The following SESN3 variants were observed in gnomAD, a reference collection of about 807,000 sequenced individuals.
The protein encoded by SESN3 is sestrin-3.
In SESN3, 21 loss-of-function variants were observed where a neutral mutation model predicts 55.3. That is an observed-to-expected ratio of 0.38 (90% CI 0.27 to 0.55). The LOEUF (loss-of-function observed/expected upper bound fraction) is 0.55, where lower values mean the gene tolerates loss of function less well. SESN3 is among the 20% of genes least tolerant of loss of function. SESN3 has a pLI of 0.76. For missense variants in SESN3, 408 were observed against 604.3 expected, an observed-to-expected ratio of 0.68 and a Z score of 3.41; for synonymous variants, 181 against 203.1, an observed-to-expected ratio of 0.89 and a Z score of 0.93.
chr11:95,226,037 A>T (rs1216280466), intron 1 of SESN3, among the ~76,000 whole-genome samples: 17 of 146,988 alleles, frequency 1.2e-4, no homozygotes, highest in Non-Finnish European at 1.6e-4. Context: ...AAATAAGTAA[A>T]AAAAAAAAAA....
chr11:95,171,251 C>T lies in SESN3; in HGVS notation c.*2004G>A, dbSNP rs904125644. 7 of 152,140 alleles carry T rather than the reference C, an allele frequency of 4.6e-5. No individual in the cohort carries two copies. The highest frequency in any genetic ancestry group is 1.7e-4 in the African/African-American group (7 of 41,444). 9.4% of individuals were successfully genotyped at this position (152,140 alleles called of 1,614,324 possible). A position where few individuals can be genotyped will look rare whatever the true frequency, so the allele number is the denominator to read the frequency against. ...TCTCCTAAATATTTTCTTTGTATTA[C>T]ATATCTACATAATGTAATATTGAAT... On this transcript the variant is annotated 3_prime_UTR_variant, in exon 10 of 10. Transcript: ENST00000536441.
At chr11:95,212,388 T>C (rs188712221) in intron 1 of SESN3, among the ~76,000 whole-genome samples, 78 of 152,182 alleles carry the variant, frequency 5.1e-4, no homozygotes, top group South Asian at 1.7e-3. Flanking sequence ...TCCATACACC[T>C]TTTTTAAGTC....
intron 1 of SESN3, among the ~76,000 whole-genome samples, chr11:95,215,820 C>T (rs1162218315): frequency 2.6e-5 from 4 of 152,110 alleles, no homozygotes; most frequent in African/African-American, 9.7e-5. Context: ...AATCCTTGGC[C>T]GGGCGCGGTG....
At chr11:95,184,120 G>A in intron 6 of SESN3, 1 of 390,426 alleles carries the variant, frequency 2.6e-6, no homozygotes, top group Non-Finnish European at 4.5e-6. Context: ...AATCACAAAA[G>A]TAGGATAAAT....
intron 1 of SESN3, among the ~76,000 whole-genome samples, chr11:95,198,863 T>C (rs1211103689): frequency 2.0e-5 from 3 of 152,166 alleles, no homozygotes; most frequent in Non-Finnish European, 4.4e-5. Context: ...GTTCAGCTGC[T>C]AGGATAATGC....
intron 6 of SESN3, among the ~76,000 whole-genome samples, chr11:95,183,672 ACT>A (rs1438746256): frequency 1.4e-5 from 2 of 139,468 alleles, no homozygotes; most frequent in South Asian, 4.8e-4. Context: ...ACAGAGCAAG[ACT>A]CTGTCTCAAA....
At chr11:95,178,871 G>T in intron 6 of SESN3, 43 bp from the exon 7 acceptor site, 2 of 1,164,284 alleles carry the variant, frequency 1.7e-6, no homozygotes, top group Non-Finnish European at 2.6e-6. Context: ...GATACTGTAC[G>T]TGGTTATGAC....
chr11:95,207,222 A>C (rs544100726), intron 1 of SESN3, among the ~76,000 whole-genome samples: 2 of 151,688 alleles, frequency 1.3e-5, no homozygotes, highest in Non-Finnish European at 2.9e-5. Flanking sequence ...ATTGTTAAGC[A>C]GCTTATGTAA....
chr11:95,191,378 G>A, intron 3 of SESN3, 26 bp downstream of exon 3: 2 of 1,540,838 alleles, frequency 1.3e-6, no homozygotes, highest in South Asian at 2.2e-5. Flanking sequence ...AAGGTGTTAT[G>A]TGAACATAGG....
At chr11:95,205,778 TAAC>T (rs895454444) in intron 1 of SESN3, among the ~76,000 whole-genome samples, 1 of 152,206 alleles carries the variant, frequency 6.6e-6, no homozygotes, top group African/African-American at 2.4e-5. Context: ...TAATATTTAA[TAAC>T]AACTTTATAC....
chr11:95,207,873 C>A (rs1860580058), intron 1 of SESN3, among the ~76,000 whole-genome samples: 1 of 150,528 alleles, frequency 6.6e-6, no homozygotes, highest in Non-Finnish European at 1.5e-5. Flanking sequence ...TGGGTTTCAT[C>A]ATGTTGCCCA....
At chr11:95,178,084 G>A (rs1396409348) in intron 7 of SESN3, among the ~76,000 whole-genome samples, 175 bp from the exon 8 acceptor site, 1 of 152,192 alleles carries the variant, frequency 6.6e-6, no homozygotes, top group African/African-American at 2.4e-5. Context: ...AGATCAGAGT[G>A]TCTGGATGTT....
rs1859841888 is a variant in SESN3, at chr11:95,171,115, GAA to G, written c.*2138_*2139del. 1 of 152,030 alleles carries G rather than the reference GAA, an allele frequency of 6.6e-6. No homozygotes were observed. Among genetic ancestry groups the G allele is most frequent in the African/African-American group, 2.4e-5 (1 of 41,406 alleles). The allele number at this position is 152,030 out of a possible 1,614,324, so 9.4% of individuals were successfully genotyped here. On this transcript the variant is annotated 3_prime_UTR_variant, in exon 10 of 10. Transcript: ENST00000536441. Reference sequence around the variant, plus strand: ...GCACAAAAATATAGGGCTATTAATTGAAAGCATCTAGTAAAAAAACAAATTCA... The same window carrying G: ...GCACAAAAATATAGGGCTATTAATTGAGCATCTAGTAAAAAAACAAATTCA...
chr11:95,196,130 C>T (rs1324199003), intron 1 of SESN3, among the ~76,000 whole-genome samples: 1 of 152,086 alleles, frequency 6.6e-6, no homozygotes, highest in Non-Finnish European at 1.5e-5. Flanking sequence ...AAAACTAACA[C>T]AATTTTTAAG....
chr11:95,188,114 A>G (rs1860200565), intron 4 of SESN3, among the ~76,000 whole-genome samples: 1 of 151,684 alleles, frequency 6.6e-6, no homozygotes, highest in Admixed American at 6.6e-5. Flanking sequence ...ATCACCTAAT[A>G]TATTTATATT....
intron 4 of SESN3, among the ~76,000 whole-genome samples, chr11:95,189,070 T>C (rs983008587): frequency 6.6e-5 from 10 of 151,964 alleles, no homozygotes; most frequent in African/African-American, 2.4e-4. Flanking sequence ...AGGACATTTC[T>C]ATGCATTAGG....
intron 4 of SESN3, among the ~76,000 whole-genome samples, chr11:95,186,931 A>T (rs906078443): frequency 2.6e-5 from 4 of 151,850 alleles, no homozygotes; most frequent in African/African-American, 9.7e-5. Context: ...TGACTGAAAA[A>T]AATTCTACCA....
At position 95,199,154 on chromosome 11, in the gene SESN3, A is replaced by G. The variant is rs1185163709; in HGVS notation, c.79-5632T>C. Among the ~76,000 whole-genome samples, 4 of 152,120 alleles carry G rather than the reference A, an allele frequency of 2.6e-5. No homozygotes were observed. The East Asian group carries it at 5.8e-4, about 22-fold the overall frequency. ...ATGTAAAAGTACTTAAGAAATTTTA[A>G]ATAGTAATAACTTTATCGTGATTTG... is the stretch of plus-strand genomic sequence containing the variant. On this transcript the variant is annotated intron_variant, in intron 1 of 9. Coordinates refer to ENST00000536441, the MANE Select transcript of SESN3 (RefSeq NM_144665.4).
At chr11:95,196,673 AAC>A (rs1440977900) in intron 1 of SESN3, among the ~76,000 whole-genome samples, 1 of 152,154 alleles carries the variant, frequency 6.6e-6, no homozygotes, top group Non-Finnish European at 1.5e-5. Flanking sequence ...TAAAGTTAAA[AAC>A]ACAGTTTCTT....
Sources: gnomAD v4.1 joint callset for allele counts (sites outside exome capture counted in the v4.1 genomes callset) on GRCh38, gnomAD v4.1.1 for gene constraint, MANE v1.5 for transcripts, NCBI Gene and HGNC (gene_info 2026-07-23, HGNC 2026-07-21) for gene names.